The following SMYD3 variants were observed in gnomAD, a reference collection of about 807,000 sequenced individuals.
The protein encoded by SMYD3 is SET and MYND domain containing 3, also known as histone-lysine N-methyltransferase SMYD3.
SMYD3 carries 36 observed loss-of-function variants against 57.7 expected under a neutral mutation model. The ratio of observed to expected loss-of-function variants is 0.62; its 90% CI spans 0.48 to 0.82. The LOEUF (loss-of-function observed/expected upper bound fraction) is 0.82, where lower values mean the gene tolerates loss of function less well. Among genes scored for constraint, SMYD3 ranks in the 40% least tolerant of loss-of-function variants. The probability of loss-of-function intolerance (pLI) is 0.00; values close to 1 mark genes in which losing one functional copy is unlikely to be tolerated. For synonymous variants in SMYD3, 211 were observed against 195.0 expected (o/e 1.08, Z -0.68); for missense variants, 515 against 538.8 (o/e 0.96, Z 0.44).
intron 1 of SMYD3, among the ~76,000 whole-genome samples, chr1:246,428,044 A>G (rs1239227052): frequency 6.6e-6 from 1 of 152,172 alleles, no homozygotes; most frequent in Non-Finnish European, 1.5e-5. Context: ...TCAAATATAA[A>G]AAAATTTTAG....
intron 5 of SMYD3, among the ~76,000 whole-genome samples, chr1:246,319,835 T>C (rs1572375402): frequency 6.6e-6 from 1 of 152,230 alleles, no homozygotes. Flanking sequence ...TCGCTTTTTA[T>C]TGAGGTACAC....
chr1:245,764,789 T>C (rs957712034), intron 10 of SMYD3, among the ~76,000 whole-genome samples: 3 of 152,054 alleles, frequency 2.0e-5, no homozygotes, highest in East Asian at 3.9e-4. Context: ...CAATCCATAC[T>C]GGACCCTTTC....
At chr1:245,794,377 C>T (rs1487919306) in intron 10 of SMYD3, among the ~76,000 whole-genome samples, 4 of 152,346 alleles carry the variant, frequency 2.6e-5, no homozygotes, top group African/African-American at 7.2e-5. Context: ...TCTTTGCTTT[C>T]GCACATTGAA....
intron 5 of SMYD3, among the ~76,000 whole-genome samples, chr1:246,111,108 ATATAG>A (rs1477549786): frequency 6.6e-6 from 1 of 152,166 alleles, no homozygotes; most frequent in Non-Finnish European, 1.5e-5. Context: ...GCATATATAT[ATATAG>A]TATATGATAG....
At chr1:246,191,533 A>C (rs566620872) in intron 5 of SMYD3, among the ~76,000 whole-genome samples, 7 of 152,228 alleles carry the variant, frequency 4.6e-5, no homozygotes, top group Non-Finnish European at 1.0e-4. Flanking sequence ...AATAAATGTG[A>C]ATATTAGGGG....
chr1:245,788,751 A>C lies in SMYD3; in HGVS notation c.1077-24602T>G, dbSNP rs1357308901. The stretch of plus-strand genomic sequence containing the variant: ...TTCATTATAACTCCCTCCCATGCCC[A>C]CCATCCCCACTCCCACATTCTTCGT... On this transcript the variant is annotated intron_variant, in intron 10 of 11. Coordinates refer to ENST00000490107, the MANE Select transcript of SMYD3 (RefSeq NM_001167740.2). The C allele has an allele frequency of 3.9e-5, 6 of 152,192 alleles. No individual in the cohort carries two copies. In the East Asian group the frequency reaches 1.2e-3, roughly 29 times the overall value. The allele number at this position is 152,192 out of a possible 1,614,324, so 9.4% of individuals were successfully genotyped here.
At chr1:245,828,154 T>C (rs2049611907) in intron 10 of SMYD3, among the ~76,000 whole-genome samples, 1 of 152,174 alleles carries the variant, frequency 6.6e-6, no homozygotes. Flanking sequence ...ACTCTGTCCT[T>C]CTCCCTCTGT....
chr1:246,167,512 CTTT>C (rs199801290), intron 5 of SMYD3, among the ~76,000 whole-genome samples: 4 of 137,800 alleles, frequency 2.9e-5, no homozygotes, highest in Non-Finnish European at 3.2e-5. Context: ...GTTTTTTTTT[CTTT>C]TTTTTTTTTT....
At chr1:245,882,673 A>G (rs2052852489) in intron 8 of SMYD3, among the ~76,000 whole-genome samples, 1 of 152,168 alleles carries the variant, frequency 6.6e-6, no homozygotes, top group Non-Finnish European at 1.5e-5. Context: ...TCTGCAATAG[A>G]ATGAGGGAGT....
At chr1:246,141,580 A>T (rs2148116289) in intron 5 of SMYD3, among the ~76,000 whole-genome samples, 1 of 152,320 alleles carries the variant, frequency 6.6e-6, no homozygotes, top group East Asian at 1.9e-4. Context: ...TCTATTAAAC[A>T]TGTACAGTGT....
intron 10 of SMYD3, among the ~76,000 whole-genome samples, chr1:245,833,177 T>C (rs1361361703): frequency 6.6e-6 from 1 of 152,124 alleles, no homozygotes; most frequent in Non-Finnish European, 1.5e-5. Flanking sequence ...AGTGTTCCTA[T>C]ACACCCTTTA....
chr1:246,380,118 CAG>C (rs1436376192), intron 1 of SMYD3, among the ~76,000 whole-genome samples: 1 of 151,928 alleles, frequency 6.6e-6, no homozygotes, highest in African/African-American at 2.4e-5. Context: ...GAAAAATATT[CAG>C]AGATAATACA....
Position 246,133,733 on chromosome 1 carries a change from G to GA in SMYD3, c.531+193467dup, listed in dbSNP as rs369852725. On this transcript the variant is annotated intron_variant, in intron 5 of 11. Coordinates refer to ENST00000490107, the MANE Select transcript of SMYD3 (RefSeq NM_001167740.2). ...TTTTATAAGAAGAAGGAGAAAGAGG[G>GA]AGAACACATGTGCAAGCGAGCTGAA... is the stretch of plus-strand genomic sequence containing the variant. Among the ~76,000 whole-genome samples, 253 of 152,196 alleles carry GA rather than the reference G, an allele frequency of 1.7e-3. 2 individuals carry two copies. Among genetic ancestry groups the GA allele is most frequent in the African/African-American group, 5.8e-3 (242 of 41,554 alleles).
At chr1:246,020,275 C>A (rs2059448716) in intron 5 of SMYD3, among the ~76,000 whole-genome samples, 1 of 152,166 alleles carries the variant, frequency 6.6e-6, no homozygotes, top group South Asian at 2.1e-4. Context: ...TTAAAAAGTA[C>A]CATAAATAAA....
intron 5 of SMYD3, among the ~76,000 whole-genome samples, chr1:245,957,990 G>A (rs1448404480): frequency 1.3e-5 from 2 of 152,024 alleles, no homozygotes; most frequent in East Asian, 1.9e-4. Flanking sequence ...AGGTAGGGAC[G>A]CTGAATGTAA....
intron 8 of SMYD3, among the ~76,000 whole-genome samples, chr1:245,892,226 T>C (rs2053432802): frequency 6.6e-6 from 1 of 152,166 alleles, no homozygotes; most frequent in South Asian, 2.1e-4. Flanking sequence ...CAGCAAATGA[T>C]GGGAACTGAG....
rs569047092 is a variant in SMYD3, at chr1:246,055,214, G to A, written c.532-125277C>T. 8.5e-5 allele frequency among the ~76,000 whole-genome samples: 13 copies of A among 152,096 alleles called. No individual in the cohort carries two copies. The South Asian group carries it at 2.5e-3, about 29-fold the overall frequency. ...AAAAAAAACAAATGTTGGCAAGGAT[G>A]TAGAGAAACTGGAAGCCTTGTGCGT... On this transcript the variant is annotated intron_variant, in intron 5 of 11. Transcript: ENST00000490107.
intron 1 of SMYD3, among the ~76,000 whole-genome samples, chr1:246,443,019 T>C (rs955520699): frequency 1.2e-4 from 19 of 152,204 alleles, no homozygotes; most frequent in African/African-American, 3.6e-4. Flanking sequence ...AAATTCTTCT[T>C]ATTTAAATTT....
At chr1:246,268,956 A>T (rs1413921553) in intron 5 of SMYD3, among the ~76,000 whole-genome samples, 3 of 131,752 alleles carry the variant, frequency 2.3e-5, no homozygotes, top group Non-Finnish European at 5.0e-5. Flanking sequence ...CCGTTAACCC[A>T]ATTAACCCTA....
Sources: allele counts gnomAD v4.1 joint callset (sites outside exome capture counted in the v4.1 genomes callset), GRCh38; gene constraint gnomAD v4.1.1; transcripts MANE v1.5; gene names NCBI Gene and HGNC (gene_info 2026-07-23, HGNC 2026-07-21).